Variants in CRTAC1 observed in about 807,000 individuals in gnomAD.
CRTAC1 encodes acidic secreted protein in cartilage.
CRTAC1 carries 37 observed loss-of-function variants against 67.8 expected under a neutral mutation model. The observed-to-expected ratio is 0.55, with a 90% CI of 0.42 to 0.72. The LOEUF (loss-of-function observed/expected upper bound fraction) is 0.72. Among genes scored for constraint, CRTAC1 ranks in the 30% least tolerant of loss-of-function variants. CRTAC1 has a pLI of 0.00. For missense variants in CRTAC1, 780 were observed against 931.6 expected, an observed-to-expected ratio of 0.84 and a Z score of 2.12; for synonymous variants, 348 against 371.0, an observed-to-expected ratio of 0.94 and a Z score of 0.71.
chr10:98,015,001 T>C (rs987294088), intron 1 of CRTAC1, among the ~76,000 whole-genome samples: 45 of 152,342 alleles, frequency 3.0e-4, no homozygotes, highest in Admixed American at 2.8e-3. Flanking sequence ...TATACCCATG[T>C]TCATAGAAGT....
intron 14 of CRTAC1, among the ~76,000 whole-genome samples, chr10:97,874,051 C>T (rs2050120232): frequency 6.6e-6 from 1 of 152,190 alleles, no homozygotes; most frequent in Admixed American, 6.5e-5. Flanking sequence ...ACTTGGGCTT[C>T]TGGAATACCT....
At chr10:98,009,740 C>T (rs1300647481) in intron 2 of CRTAC1, among the ~76,000 whole-genome samples, 4 of 152,128 alleles carry the variant, frequency 2.6e-5, no homozygotes, top group Admixed American at 6.5e-5. Flanking sequence ...AGAATGAGGT[C>T]GACAGGCCCC....
At chr10:97,997,483 C>G (rs1204270191) in intron 2 of CRTAC1, among the ~76,000 whole-genome samples, 2 of 142,676 alleles carry the variant, frequency 1.4e-5, no homozygotes, top group African/African-American at 2.6e-5. Flanking sequence ...AAAGTGTTTT[C>G]AATTTAGGCC....
chr10:98,009,335 A>G (rs1255548950), intron 2 of CRTAC1, among the ~76,000 whole-genome samples: 1 of 152,196 alleles, frequency 6.6e-6, no homozygotes, highest in Non-Finnish European at 1.5e-5. Flanking sequence ...GAACATTTAC[A>G]TCATCACAGA....
chr10:97,974,565 G>A (rs1356736574), intron 2 of CRTAC1, among the ~76,000 whole-genome samples: 4 of 152,216 alleles, frequency 2.6e-5, no homozygotes, highest in African/African-American at 9.6e-5. Flanking sequence ...ATCTAGAGAA[G>A]GAGAAGTCGC....
chr10:97,878,598 C>A (rs2050173252), intron 14 of CRTAC1: 4 of 1,302,374 alleles, frequency 3.1e-6, no homozygotes, highest in Non-Finnish European at 4.0e-6. Flanking sequence ...TGAGCATATT[C>A]TGTGGCGTTA....
chr10:97,888,523 C>T (rs561596595), intron 11 of CRTAC1, among the ~76,000 whole-genome samples: 1 of 152,238 alleles, frequency 6.6e-6, no homozygotes, highest in Non-Finnish European at 1.5e-5. Flanking sequence ...AGGCTTCACA[C>T]TTACGAGGTG....
At position 97,931,742 on chromosome 10, in the gene CRTAC1, A is replaced by G. The variant is rs568724828; in HGVS notation, c.421+4428T>C. ...GTTCACACTGACCCATCCACTACCC[A>G]TGCTCCTGTTTGTTACCCCAGGCCA... On this transcript the variant is annotated intron_variant, in intron 3 of 14. Coordinates refer to ENST00000370597, the MANE Select transcript of CRTAC1 (RefSeq NM_018058.7). 7.2e-5 allele frequency among the ~76,000 whole-genome samples: 11 copies of G among 152,340 alleles called. No homozygotes were observed. In the South Asian group the frequency reaches 2.1e-3, roughly 29 times the overall value.
In CRTAC1 at chr10:97,886,377, C is replaced by A. The variant is rs546350933; in HGVS notation, c.1487-2026G>T. Among the ~76,000 whole-genome samples the A allele has an allele frequency of 2.6e-5, 4 of 152,244 alleles. No homozygotes were observed. In the East Asian group the frequency reaches 5.8e-4, roughly 22 times the overall value. ...TCTGAAGAGTCCATGGAGAGGCAGC[C>A]GCTGCCCTCATGGGCACAGCAGGCA... On this transcript the variant is annotated intron_variant, in intron 11 of 14. Coordinates refer to ENST00000370597, the MANE Select transcript of CRTAC1 (RefSeq NM_018058.7).
rs528429700 is a variant in CRTAC1 at position 97,975,615 on chromosome 10, T to C, written c.224+35523A>G. 6.3e-4 allele frequency among the ~76,000 whole-genome samples: 96 copies of C among 152,320 alleles called. No individual in the cohort carries two copies. The highest frequency in any genetic ancestry group is 2.3e-3 in the African/African-American group (95 of 41,566). ...CTGTTACAACTGGCAGCCAGTCTTC[T>C]GCATAGTTCTAAGATGGACTCTCCC... On this transcript the variant is annotated intron_variant, in intron 2 of 14. Coordinates refer to ENST00000370597, the MANE Select transcript of CRTAC1 (RefSeq NM_018058.7). This position sits in a 1 kb window ranked among gnomAD's most constrained non-coding sequence, Gnocchi z 4.8.
chr10:97,874,731 T>G (rs889446468), intron 14 of CRTAC1, among the ~76,000 whole-genome samples: 1 of 152,216 alleles, frequency 6.6e-6, no homozygotes, highest in Non-Finnish European at 1.5e-5. Flanking sequence ...ATCCCCATCT[T>G]GCAGATGGGA....
intron 11 of CRTAC1, among the ~76,000 whole-genome samples, chr10:97,893,253 GT>G (rs970872607): frequency 3.4e-5 from 5 of 148,082 alleles, no homozygotes; most frequent in Non-Finnish European, 7.5e-5. Context: ...TTGCCTTTCA[GT>G]TTTTTTTCTG....
intron 2 of CRTAC1, among the ~76,000 whole-genome samples, chr10:98,010,514 A>T (rs937769871): frequency 1.3e-5 from 2 of 152,174 alleles, no homozygotes; most frequent in Non-Finnish European, 2.9e-5. Context: ...TGGAACGTTT[A>T]CACCTTAGGG....
At chr10:97,905,228 A>C (rs2050595896) in intron 6 of CRTAC1, among the ~76,000 whole-genome samples, 1 of 152,114 alleles carries the variant, frequency 6.6e-6, no homozygotes, top group African/African-American at 2.4e-5. Context: ...CTTTTAGGGA[A>C]AGTTCTAATT....
At chr10:97,941,419 A>T (rs60311746) in intron 2 of CRTAC1, among the ~76,000 whole-genome samples, 2,612 of 151,880 alleles carry the variant, frequency 0.017, 62 homozygotes, top group African/African-American at 0.06. Flanking sequence ...CTGACTGACA[A>T]TTCCAAATTC....
intron 2 of CRTAC1, among the ~76,000 whole-genome samples, chr10:97,941,953 G>A (rs528227140): frequency 6.6e-6 from 1 of 152,078 alleles, no homozygotes; most frequent in Non-Finnish European, 1.5e-5. Flanking sequence ...CTGCCACAGG[G>A]TCTCCTTTCA....
chr10:98,012,757 T>C (rs1005622032), intron 1 of CRTAC1, among the ~76,000 whole-genome samples: 1 of 152,096 alleles, frequency 6.6e-6, no homozygotes, highest in Non-Finnish European at 1.5e-5. Context: ...CTGGAGAGGC[T>C]GGGGAGTGAC....
At chr10:97,964,286 T>C (rs2051577918) in intron 2 of CRTAC1, among the ~76,000 whole-genome samples, 1 of 152,308 alleles carries the variant, frequency 6.6e-6, no homozygotes, top group Admixed American at 6.5e-5. Context: ...GGGAAGCATG[T>C]GAGAAATGAC....
chr10:97,975,755 C>T lies in CRTAC1; in HGVS notation c.224+35383G>A, dbSNP rs1361147137. On this transcript the variant is annotated intron_variant, in intron 2 of 14. Transcript: ENST00000370597. This position sits in a 1 kb window ranked among gnomAD's most constrained non-coding sequence, Gnocchi z 4.8. ...CAGCCCCTCACTCCTATACAGAGGC[C>T]CTGTCTAAATGCTCCTCCGCCCTCT... is the stretch of plus-strand genomic sequence containing the variant. Among the ~76,000 whole-genome samples the T allele has an allele frequency of 1.3e-5, 2 of 152,200 alleles. No individual in the cohort carries two copies. The highest frequency in any genetic ancestry group is 2.9e-5 in the Non-Finnish European group (2 of 68,028).
Sources: gnomAD v4.1 joint callset for allele counts (sites outside exome capture counted in the v4.1 genomes callset) on GRCh38, gnomAD v4.1.1 for gene constraint, Gnocchi (gnomAD v3.1) non-coding constraint, MANE v1.5 for transcripts, NCBI Gene and HGNC (gene_info 2026-07-23, HGNC 2026-07-21) for gene names.